The following CCND2 variants were observed in gnomAD, a reference collection of about 807,000 sequenced individuals.
CCND2 encodes the protein G1/S-specific cyclin-D2.
In CCND2, 6 loss-of-function variants were observed where a neutral mutation model predicts 30.2. The observed-to-expected ratio is 0.20, with a 90% CI of 0.11 to 0.39. The LOEUF (loss-of-function observed/expected upper bound fraction) is 0.39. CCND2 is among the 10% of genes least tolerant of loss of function. The probability of loss-of-function intolerance (pLI) is 1.00; values close to 1 mark genes in which losing one functional copy is unlikely to be tolerated. For missense variants in CCND2, 235 were observed against 373.4 expected (o/e 0.63, Z 3.06); for synonymous variants, 150 against 153.1 (o/e 0.98, Z 0.15).
chr12:4,275,153 TCTCTG>T (rs1282797451), intron 1 of CCND2: 1 of 152,238 alleles, frequency 6.6e-6, no homozygotes, highest in African/African-American at 2.4e-5. Context: ...TTTCCAGGGC[TCTCTG>T]CTCCCGTCTT....
chr12:4,299,910 C>T lies in CCND2; in HGVS notation c.771C>T (p.Ser257=). Residue 257 remains serine (S), a synonymous_variant, in exon 5 of 5, where the codon AGC becomes AGT. Coordinates refer to ENST00000261254, the MANE Select transcript of CCND2 (RefSeq NM_001759.4). This position sits in a 1 kb window ranked among gnomAD's most constrained non-coding sequence, Gnocchi z 5.2. ...QEQIEAVLLN[S]LQQYRQDQRD... is the part of the protein sequence containing the mutation. ...AGATTGAGGCGGTGCTCCTCAATAG[C>T]CTGCAGCAGTACCGTCAGGACCAAC... 1 of 1,614,120 alleles carries T rather than the reference C, an allele frequency of 6.2e-7. No individual in the cohort carries two copies. The highest frequency in any genetic ancestry group is 8.5e-7 in the Non-Finnish European group (1 of 1,180,000).
rs940554395 is a variant in CCND2 at position 4,285,463 on chromosome 12, C to G, written c.572-3379C>G. 1.0e-6 allele frequency: 1 copy of G among 977,510 alleles called. No homozygotes were observed. The highest frequency in any genetic ancestry group is 1.2e-6 in the Non-Finnish European group (1 of 822,838). 60.6% of individuals were successfully genotyped at this position (977,510 alleles called of 1,614,324 possible). ...GTTTTTATTTGTTAAAATAATATTACGTACAAATTTTACAAACTCATCTGT... is the reference window on the plus strand; with the variant it reads ...GTTTTTATTTGTTAAAATAATATTAGGTACAAATTTTACAAACTCATCTGT... On this transcript the variant is annotated intron_variant, in intron 3 of 4. Coordinates refer to ENST00000261254, the MANE Select transcript of CCND2 (RefSeq NM_001759.4). The surrounding 1 kb of genome is among the most constrained non-coding windows in gnomAD (Gnocchi z 4.1).
At chr12:4,280,423 G>T (rs773988217) in intron 3 of CCND2, among the ~76,000 whole-genome samples, 8 of 152,180 alleles carry the variant, frequency 5.3e-5, no homozygotes, top group Non-Finnish European at 1.2e-4. Context: ...GTTTTCTGTA[G>T]TCCTGTTCTC....
At chr12:4,277,478 A>G (rs1720981748) in intron 2 of CCND2, among the ~76,000 whole-genome samples, 1 of 152,254 alleles carries the variant, frequency 6.6e-6, no homozygotes, top group African/African-American at 2.4e-5. Context: ...TGTTTTTCTC[A>G]TGAGAGAGCA....
Position 4,285,017 on chromosome 12 carries a change from G to A in CCND2, c.572-3825G>A, listed in dbSNP as rs1410663891. On this transcript the variant is annotated intron_variant, in intron 3 of 4. Transcript: ENST00000261254. The surrounding 1 kb of genome is among the most constrained non-coding windows in gnomAD (Gnocchi z 4.1). ...TCCCAAAGTGCTAGGATTACACTGT[G>A]AGCCACTGCGCCCAGCCTTCAAGAG... 6.6e-6 allele frequency among the ~76,000 whole-genome samples: 1 copy of A among 152,086 alleles called. No homozygotes were observed. The highest frequency in any genetic ancestry group is 1.5e-5 in the Non-Finnish European group (1 of 68,010).
rs3217854 is a variant in CCND2 at position 4,289,183 on chromosome 12, CG to C, written c.720+195del. On this transcript the variant is annotated intron_variant, in intron 4 of 4. Coordinates refer to ENST00000261254, the MANE Select transcript of CCND2 (RefSeq NM_001759.4). ...CTGAAAAGCTGTGCACGGGAAAATA[CG>C]GAAGAAAACTCAGCAAGCAGATGAA... The C allele has an allele frequency of 0.26, 39,318 of 152,216 alleles. 5,445 individuals carry two copies. The highest frequency in any genetic ancestry group is 0.55 in the East Asian group (3,261 of 5,914). 9.4% of individuals were successfully genotyped at this position (152,216 alleles called of 1,614,324 possible).
chr12:4,294,065 C>A (rs998821540), intron 4 of CCND2, among the ~76,000 whole-genome samples: 1 of 152,166 alleles, frequency 6.6e-6, no homozygotes, highest in Admixed American at 6.5e-5. Context: ...AGCCCTTTGT[C>A]CCCCTGTTGA....
rs1471152464 is a variant in CCND2, at chr12:4,304,883, T to C, written c.*4874T>C. The C allele has an allele frequency of 2.1e-5, 5 of 233,632 alleles. No individual in the cohort carries two copies. The highest frequency in any genetic ancestry group is 8.8e-5 in the African/African-American group (4 of 45,364). The allele number at this position is 233,632 out of a possible 1,614,324, so 14.5% of individuals were successfully genotyped here. ...ACATCCCCAGCAAATCATCGGGCCA[T>C]TGGATTTTTTCCATTATGTTCATCA... On this transcript the variant is annotated 3_prime_UTR_variant, in exon 5 of 5. Coordinates refer to ENST00000261254, the MANE Select transcript of CCND2 (RefSeq NM_001759.4). The surrounding 1 kb of genome is among the most constrained non-coding windows in gnomAD (Gnocchi z 6.2).
chr12:4,273,791 G>C lies in CCND2; in HGVS notation c.-250G>C. The C allele has an allele frequency of 1.8e-6, 1 of 560,284 alleles. No individual in the cohort carries two copies. Among genetic ancestry groups the C allele is most frequent in the Non-Finnish European group, 3.2e-6 (1 of 315,586 alleles). The allele number at this position is 560,284 out of a possible 1,614,324, so 34.7% of individuals were successfully genotyped here. On this transcript the variant is annotated 5_prime_UTR_variant, in exon 1 of 5. Transcript: ENST00000261254. The surrounding 1 kb of genome is among the most constrained non-coding windows in gnomAD (Gnocchi z 5.9). Reference sequence around the variant, plus strand: ...CGGAGAAGAGCGAGCAGGGGAGAGCGAGACCAGTTTTAAGGGGAGGACCGG... The same window carrying C: ...CGGAGAAGAGCGAGCAGGGGAGAGCCAGACCAGTTTTAAGGGGAGGACCGG...
chr12:4,291,607 C>T (rs906583698), intron 4 of CCND2, among the ~76,000 whole-genome samples: 7 of 152,076 alleles, frequency 4.6e-5, no homozygotes, highest in Non-Finnish European at 1.0e-4. Flanking sequence ...TGCTACGTAA[C>T]GTGTTACGAA....
In CCND2 at chr12:4,287,483, C is replaced by A. The variant is rs1357760174; in HGVS notation, c.572-1359C>A. On this transcript the variant is annotated intron_variant, in intron 3 of 4. Transcript: ENST00000261254. The surrounding 1 kb of genome is among the most constrained non-coding windows in gnomAD (Gnocchi z 4.0). Reference sequence around the variant, plus strand: ...GCTGTGTCTCCTGCCCCCACGTGCCCCTTCCATGTCTACACACAGTAAGCT... The same window carrying A: ...GCTGTGTCTCCTGCCCCCACGTGCCACTTCCATGTCTACACACAGTAAGCT... 6.6e-6 allele frequency among the ~76,000 whole-genome samples: 1 copy of A among 152,124 alleles called. No homozygotes were observed. The highest frequency in any genetic ancestry group is 2.4e-5 in the African/African-American group (1 of 41,402).
chr12:4,278,841 C>A lies in CCND2; in HGVS notation c.493C>A (p.Arg165Ser), dbSNP rs775067994. ...TPHDFIEHIL[R>S]KLPQQREKLS... ...TCATGACTTCATTGAGCACATCTTG[C>A]GCAAGCTGCCCCAGCAGCGGGAGAA... The change falls in exon 3 of 5, where the codon CGC (arginine) becomes AGC (serine). Residue 165 changes from arginine (R) to serine (S), a missense_variant. Coordinates refer to ENST00000261254, the MANE Select transcript of CCND2 (RefSeq NM_001759.4). The A allele has an allele frequency of 6.2e-7, 1 of 1,614,214 alleles. No homozygotes were observed. Among genetic ancestry groups the A allele is most frequent in the Non-Finnish European group, 8.5e-7 (1 of 1,180,022 alleles).
chr12:4,274,262 G>A lies in CCND2; in HGVS notation c.195+27G>A, dbSNP rs560920176. 2 of 1,610,622 alleles carry A rather than the reference G, an allele frequency of 1.2e-6. No individual in the cohort carries two copies. Among genetic ancestry groups the A allele is most frequent in the South Asian group, 2.2e-5 (2 of 90,920 alleles). ...TAGGTCGGGGGGTGGCGCTCGCCAG[G>A]AGCCAGGACCCCTCCGGATGCTCGG... is the stretch of plus-strand genomic sequence containing the variant. On this transcript the variant is annotated intron_variant, in intron 1 of 4. Coordinates refer to ENST00000261254, the MANE Select transcript of CCND2 (RefSeq NM_001759.4). This position sits in a 1 kb window ranked among gnomAD's most constrained non-coding sequence, Gnocchi z 7.7.
At chr12:4,278,732 C>A (rs1043659947) in intron 2 of CCND2, 28 bp from the exon 3 acceptor site, 1 of 1,611,708 alleles carries the variant, frequency 6.2e-7, no homozygotes, top group East Asian at 2.2e-5. Context: ...TTTAGATTCT[C>A]CTCTTCTCTT....
At chr12:4,283,032 T>C (rs1019353908) in intron 3 of CCND2, among the ~76,000 whole-genome samples, 1 of 152,244 alleles carries the variant, frequency 6.6e-6, no homozygotes, top group Non-Finnish European at 1.5e-5. Flanking sequence ...CCATCACCCC[T>C]GCACCCCAAG....
At chr12:4,291,642 C>T (rs3217874) in intron 4 of CCND2, among the ~76,000 whole-genome samples, 57,354 of 151,948 alleles carry the variant, frequency 0.38, 12,159 homozygotes, top group South Asian at 0.55. Context: ...GGAAATCAAC[C>T]CAAAAGAAGG....
chr12:4,275,390 T>A (rs1863854558), intron 1 of CCND2: 1 of 151,984 alleles, frequency 6.6e-6, no homozygotes, highest in African/African-American at 2.4e-5. Context: ...CCTCGATTTT[T>A]AATTATTTTT....
intron 4 of CCND2, among the ~76,000 whole-genome samples, chr12:4,296,132 T>C (rs1332584082): frequency 6.6e-6 from 1 of 152,378 alleles, no homozygotes; most frequent in East Asian, 1.9e-4. Flanking sequence ...GCGCATGGCC[T>C]GAAACCGAGT....
chr12:4,293,310 ATACT>A lies in CCND2; in HGVS notation c.720+4323_720+4326del, dbSNP rs1864124467. ...AAAGGTGTTGTGAAGTTATTGCAAG[ATACT>A]TAACAGAAGAAAGACTCTAGTCATC... On this transcript the variant is annotated intron_variant, in intron 4 of 4. Coordinates refer to ENST00000261254, the MANE Select transcript of CCND2 (RefSeq NM_001759.4). The surrounding 1 kb of genome is among the most constrained non-coding windows in gnomAD (Gnocchi z 4.9). 6.6e-6 allele frequency among the ~76,000 whole-genome samples: 1 copy of A among 152,250 alleles called. No homozygotes were observed. Among genetic ancestry groups the A allele is most frequent in the African/African-American group, 2.4e-5 (1 of 41,462 alleles).
Sources: allele counts gnomAD v4.1 joint callset (sites outside exome capture counted in the v4.1 genomes callset), GRCh38; gene constraint gnomAD v4.1.1; non-coding constraint Gnocchi (gnomAD v3.1); transcripts MANE v1.5; gene names NCBI Gene and HGNC (gene_info 2026-07-23, HGNC 2026-07-21).